Variants in ARHGAP28 observed in about 807,000 individuals in gnomAD.
ARHGAP28 encodes rho GTPase-activating protein 28.
A neutral mutation model predicts 90.7 loss-of-function variants in ARHGAP28; 56 were observed. That is an observed-to-expected ratio of 0.62 (90% CI 0.50 to 0.77). The LOEUF (loss-of-function observed/expected upper bound fraction) is 0.77, where lower values mean the gene tolerates loss of function less well. ARHGAP28 is among the 30% of genes least tolerant of loss of function. The pLI is 0.00. For synonymous variants in ARHGAP28, 308 were observed against 323.3 expected (o/e 0.95, Z 0.51); for missense variants, 869 against 900.9 (o/e 0.96, Z 0.45).
chr18:6,729,965 A>G (rs2055861870), intron 1 of ARHGAP28, 22 bp downstream of exon 1: 2 of 1,326,998 alleles, frequency 1.5e-6, no homozygotes, highest in Admixed American at 4.1e-5. Flanking sequence ...CGCTCCCACC[A>G]GGGCGGCGCA....
intron 3 of ARHGAP28, among the ~76,000 whole-genome samples, chr18:6,845,509 A>C (rs1181757800): frequency 6.6e-6 from 1 of 152,186 alleles, no homozygotes; most frequent in East Asian, 1.9e-4. Flanking sequence ...TTTGCTGCAC[A>C]GATCAACCCA....
intron 1 of ARHGAP28, among the ~76,000 whole-genome samples, chr18:6,804,666 T>G (rs931682472): frequency 1.3e-5 from 2 of 152,218 alleles, no homozygotes; most frequent in Admixed American, 1.3e-4. Context: ...TTTGATCCAT[T>G]GGGTAATTAG....
At chr18:6,860,385 C>T (rs1438068803) in intron 5 of ARHGAP28, among the ~76,000 whole-genome samples, 1 of 152,158 alleles carries the variant, frequency 6.6e-6, no homozygotes, top group African/African-American at 2.4e-5. Context: ...TCTTAAGTAA[C>T]AGAACTTGTA....
At chr18:6,883,261 C>CA (rs1357651035) in intron 11 of ARHGAP28, among the ~76,000 whole-genome samples, 4 of 146,646 alleles carry the variant, frequency 2.7e-5, no homozygotes, top group Non-Finnish European at 6.0e-5. Context: ...TTTTTTGAGA[C>CA]AGAGTGTCGC....
chr18:6,732,748 T>G (rs574403616), intron 1 of ARHGAP28, among the ~76,000 whole-genome samples: 1 of 152,280 alleles, frequency 6.6e-6, no homozygotes, highest in South Asian at 2.1e-4. Flanking sequence ...GAGGTCAGAT[T>G]GGCAGACCTT....
chr18:6,850,429 T>C (rs185167716), intron 3 of ARHGAP28, among the ~76,000 whole-genome samples: 3 of 152,362 alleles, frequency 2.0e-5, no homozygotes, highest in East Asian at 3.9e-4. Context: ...AGAGGTTTAC[T>C]TTTCTTACAA....
intron 1 of ARHGAP28, among the ~76,000 whole-genome samples, chr18:6,750,014 C>T (rs1318743340): frequency 6.6e-6 from 1 of 152,068 alleles, no homozygotes; most frequent in African/African-American, 2.4e-5. Flanking sequence ...CTGGTTCCTT[C>T]CTTCTGTCTA....
At chr18:6,790,797 G>C (rs1285312498) in intron 1 of ARHGAP28, 3 of 152,146 alleles carry the variant, frequency 2.0e-5, no homozygotes, top group Non-Finnish European at 1.5e-5. Context: ...CAGGGAAATA[G>C]ACTAAGAAAG....
chr18:6,787,525 A>T (rs191508217), intron 1 of ARHGAP28, among the ~76,000 whole-genome samples: 6 of 152,312 alleles, frequency 3.9e-5, no homozygotes, highest in Admixed American at 3.9e-4. Context: ...AAACTTAAAA[A>T]AATTAGTTCT....
intron 1 of ARHGAP28, among the ~76,000 whole-genome samples, chr18:6,817,747 G>T (rs2056601218): frequency 6.6e-6 from 1 of 152,130 alleles, no homozygotes; most frequent in South Asian, 2.1e-4. Context: ...GAGGGAGAAT[G>T]GGAAAGAGAA....
intron 5 of ARHGAP28, among the ~76,000 whole-genome samples, chr18:6,864,244 T>C (rs1444548621): frequency 1.3e-5 from 2 of 152,076 alleles, no homozygotes; most frequent in Non-Finnish European, 2.9e-5. Flanking sequence ...TTTTGTATTT[T>C]TAGTAGAGAC....
intron 10 of ARHGAP28, 36 bp from the exon 11 acceptor site, chr18:6,882,101 G>T: frequency 1.3e-6 from 2 of 1,574,956 alleles, no homozygotes; most frequent in Non-Finnish European, 1.7e-6. Flanking sequence ...GGTGGTAAAA[G>T]TGCATTGAAT....
intron 15 of ARHGAP28, 128 bp downstream of exon 15, chr18:6,895,019 A>C: frequency 1.1e-6 from 1 of 942,722 alleles, no homozygotes; most frequent in Non-Finnish European, 1.7e-6. Flanking sequence ...AATGTGGCAC[A>C]TAAAGGAATG....
At chr18:6,867,332 G>A (rs2143473973) in intron 5 of ARHGAP28, among the ~76,000 whole-genome samples, 1 of 152,284 alleles carries the variant, frequency 6.6e-6, no homozygotes, top group East Asian at 1.9e-4. Flanking sequence ...GGCTCTGGGG[G>A]AAAACATTTT....
chr18:6,756,365 C>T (rs2056109927), intron 1 of ARHGAP28, among the ~76,000 whole-genome samples: 1 of 152,118 alleles, frequency 6.6e-6, no homozygotes, highest in Admixed American at 6.5e-5. Context: ...AGGAAAGTAA[C>T]TCTCACAGAA....
intron 16 of ARHGAP28, among the ~76,000 whole-genome samples, chr18:6,906,327 T>G (rs148969819): frequency 6.6e-6 from 1 of 152,270 alleles, no homozygotes; most frequent in African/African-American, 2.4e-5. Context: ...AAAGGGACAG[T>G]TCAATAGCAC....
intron 1 of ARHGAP28, among the ~76,000 whole-genome samples, chr18:6,781,555 T>C (rs538324021): frequency 1.3e-5 from 2 of 152,174 alleles, no homozygotes; most frequent in African/African-American, 4.8e-5. Context: ...CTGCCCATTC[T>C]TCTTGCCCTG....
chr18:6,822,184 C>T (rs2056631419), intron 1 of ARHGAP28, among the ~76,000 whole-genome samples: 1 of 152,124 alleles, frequency 6.6e-6, no homozygotes, highest in Non-Finnish European at 1.5e-5. Flanking sequence ...AACACTTATA[C>T]TGCATTATAA....
At position 6,842,577 on chromosome 18, in the gene ARHGAP28, TA is replaced by T. The variant is rs929743927; in HGVS notation, c.543+5164del. On this transcript the variant is annotated intron_variant, in intron 3 of 17. Coordinates refer to ENST00000383472, the MANE Select transcript of ARHGAP28 (RefSeq NM_001366230.1). The stretch of plus-strand genomic sequence containing the variant: ...TCTGCTCCCTTCAGAGTCATGTGTT[TA>T]TTTTAGCATCGTTGTTTTTCTCTTC... Among the ~76,000 whole-genome samples, 8 of 152,334 alleles carry T rather than the reference TA, an allele frequency of 5.3e-5. 1 individual carries two copies. The highest frequency in any genetic ancestry group is 2.0e-4 in the Admixed American group (3 of 15,292).
Sources: gnomAD v4.1 joint callset for allele counts (sites outside exome capture counted in the v4.1 genomes callset) on GRCh38, gnomAD v4.1.1 for gene constraint, MANE v1.5 for transcripts, NCBI Gene and HGNC (gene_info 2026-07-23, HGNC 2026-07-21) for gene names.